PDE9A: variants seen among roughly 807,000 people sequenced by gnomAD.
PDE9A encodes the protein phosphodiesterase 9A, also known as high affinity cGMP-specific 3',5'-cyclic phosphodiesterase 9A.
PDE9A carries 60 observed loss-of-function variants against 87.4 expected under a neutral mutation model. The observed-to-expected ratio is 0.69, with a 90% CI of 0.56 to 0.85. The LOEUF (loss-of-function observed/expected upper bound fraction) is 0.85, where lower values mean the gene tolerates loss of function less well. Among genes scored for constraint, PDE9A ranks in the 40% least tolerant of loss-of-function variants. The probability of loss-of-function intolerance (pLI) is 0.00; values close to 1 mark genes in which losing one functional copy is unlikely to be tolerated. For missense variants in PDE9A, 665 were observed against 779.0 expected (o/e 0.85, Z 1.74); for synonymous variants, 272 against 279.4 (o/e 0.97, Z 0.27).
chr21:42,708,573 T>C (rs140013303), intron 4 of PDE9A, among the ~76,000 whole-genome samples: 8 of 152,298 alleles, frequency 5.3e-5, no homozygotes, highest in Admixed American at 5.2e-4. Context: ...GTTTTTGTTT[T>C]TGAGGAGTTT....
rs77777978 is a variant in PDE9A, at chr21:42,670,187, A to T, written c.70-16005A>T. Among the ~76,000 whole-genome samples, 672 of 146,020 alleles carry T rather than the reference A, an allele frequency of 4.6e-3. 9 individuals are homozygous for T. Among genetic ancestry groups the T allele is most frequent in the African/African-American group, 0.018 (651 of 37,072 alleles). On this transcript the variant is annotated intron_variant, in intron 1 of 19. Coordinates refer to ENST00000291539, the MANE Select transcript of PDE9A (RefSeq NM_002606.3). ...CACATTCACACGCACACATACACTT[A>T]CACACATTCACACACATACACTTAC...
chr21:42,732,039 G>A (rs2269153), intron 5 of PDE9A, 31 bp from the exon 6 acceptor site: 527,126 of 1,612,952 alleles, frequency 0.33, 88,955 homozygotes, highest in East Asian at 0.53. Context: ...TCTTGTCCGT[G>A]TTCCATCTGT....
chr21:42,730,721 T>G (rs1297684850), intron 4 of PDE9A, among the ~76,000 whole-genome samples: 1 of 152,254 alleles, frequency 6.6e-6, no homozygotes. Context: ...CAGATATATG[T>G]CTGATGATAC....
intron 13 of PDE9A, among the ~76,000 whole-genome samples, chr21:42,761,832 C>T (rs1470953049): frequency 1.3e-5 from 2 of 152,156 alleles, no homozygotes; most frequent in Non-Finnish European, 2.9e-5. Flanking sequence ...GGGCCTGTCC[C>T]AGGGAGCATG....
chr21:42,760,468 C>T lies in PDE9A; in HGVS notation c.1002+36C>T. The T allele has an allele frequency of 7.7e-7, 1 of 1,298,096 alleles. No homozygotes were observed. The highest frequency in any genetic ancestry group is 1.2e-5 in the South Asian group (1 of 84,180). The allele number at this position is 1,298,096 out of a possible 1,614,324, so 80.4% of individuals were successfully genotyped here. On this transcript the variant is annotated intron_variant, in intron 12 of 19. Coordinates refer to ENST00000291539, the MANE Select transcript of PDE9A (RefSeq NM_002606.3). The surrounding 1 kb of genome is among the most constrained non-coding windows in gnomAD (Gnocchi z 5.2). ...CCCGCTGCACACCCAGACCTCTACTCTCGGGGGTCAGACGGAGGCCCCCTT... is the reference window on the plus strand; with the variant it reads ...CCCGCTGCACACCCAGACCTCTACTTTCGGGGGTCAGACGGAGGCCCCCTT...
rs1439112382 is a variant in PDE9A at position 42,764,999 on chromosome 21, ATGGATGGATGGATGGATGG to A, written c.1243-381_1243-363del. ...GGTGGGTGGGTGGATGGATGGATGG[ATGGATGGATGGATGGATGG>A]ATGGGTGGATGGGTGGATGGACAAA... On this transcript the variant is annotated intron_variant, in intron 14 of 19. Coordinates refer to ENST00000291539, the MANE Select transcript of PDE9A (RefSeq NM_002606.3). 5.2e-5 allele frequency among the ~76,000 whole-genome samples: 7 copies of A among 134,840 alleles called. No individual in the cohort carries two copies. The South Asian group carries it at 8.2e-4, about 16-fold the overall frequency. 88.5% of individuals were successfully genotyped at this position (134,840 alleles called of 152,430 possible). A position where few individuals can be genotyped will look rare whatever the true frequency, so the allele number is the denominator to read the frequency against.
intron 8 of PDE9A, among the ~76,000 whole-genome samples, chr21:42,749,546 A>T (rs1602448032): frequency 6.6e-6 from 1 of 152,192 alleles, no homozygotes; most frequent in East Asian, 1.9e-4. Context: ...TTCCTCTGAA[A>T]CATGCCTGGC....
intron 1 of PDE9A, 53 bp downstream of exon 1, chr21:42,653,936 G>A: frequency 8.7e-7 from 1 of 1,144,136 alleles, no homozygotes; most frequent in Non-Finnish European, 1.3e-6. Flanking sequence ...GACAGCGCCG[G>A]GGCCGGGCGC....
At chr21:42,750,008 T>C (rs1240979778) in intron 8 of PDE9A, among the ~76,000 whole-genome samples, 3 of 152,094 alleles carry the variant, frequency 2.0e-5, no homozygotes, top group African/African-American at 7.2e-5. Context: ...TGTGGCAGCA[T>C]GCACCTGTAA....
At chr21:42,769,770 G>A (rs999357005) in intron 17 of PDE9A, among the ~76,000 whole-genome samples, 7 of 88,336 alleles carry the variant, frequency 7.9e-5, no homozygotes, top group African/African-American at 2.2e-4. Context: ...GCACATGCAC[G>A]CACACAGGTA....
intron 1 of PDE9A, among the ~76,000 whole-genome samples, chr21:42,684,510 G>A (rs527560808): frequency 1.2e-4 from 18 of 152,362 alleles, no homozygotes; most frequent in South Asian, 4.1e-4. Context: ...CCTGGCACCC[G>A]GCCAAGTGCA....
chr21:42,769,538 GCA>G (rs1435825360), intron 17 of PDE9A, among the ~76,000 whole-genome samples: 1 of 93,888 alleles, frequency 1.1e-5, no homozygotes, highest in Non-Finnish European at 2.0e-5. Flanking sequence ...GCACACACAG[GCA>G]CACAAATGCA....
rs2054369738 is a variant in PDE9A at position 42,751,129 on chromosome 21, T to A, written c.667T>A (p.Cys223Ser). 5.0e-6 allele frequency: 8 copies of A among 1,610,462 alleles called. No homozygotes were observed. Among genetic ancestry groups the A allele is most frequent in the Non-Finnish European group, 6.8e-6 (8 of 1,176,624 alleles). Reference protein sequence around the residue: ...AARSSRTNCPCKYSFLDNHKK... With the variant: ...AARSSRTNCPSKYSFLDNHKK... ...CCTTCTCTCTAGGACCAACTGCCCC[T>A]GTAAGTACAGTTTTTTGGATAACCA... Residue 223 changes from cysteine to serine, a missense_variant, in exon 9 of 20, where the codon TGT becomes AGT. Cys to Ser is a moderately radical substitution (Grantham distance 112). Coordinates refer to ENST00000291539, the MANE Select transcript of PDE9A (RefSeq NM_002606.3).
chr21:42,665,673 G>T (rs2057915675), intron 1 of PDE9A, among the ~76,000 whole-genome samples: 1 of 152,186 alleles, frequency 6.6e-6, no homozygotes, highest in South Asian at 2.1e-4. Context: ...TGTGTCGCGT[G>T]CAGGTGCCTC....
At chr21:42,768,953 C>A in intron 16 of PDE9A, 74 bp from the exon 17 acceptor site, 1 of 1,526,510 alleles carries the variant, frequency 6.6e-7, no homozygotes, top group South Asian at 1.3e-5. Flanking sequence ...CGCATCTTGT[C>A]TTTCTCTGAG....
At chr21:42,754,170 C>T (rs2147023889) in intron 10 of PDE9A, 106 bp downstream of exon 10, 3 of 605,456 alleles carry the variant, frequency 5.0e-6, no homozygotes, top group South Asian at 1.9e-5. Flanking sequence ...GCTTTTTCCT[C>T]TTCTTTTTAA....
rs535722096 is a variant in PDE9A, at chr21:42,761,021, C to T, written c.1085+114C>T. On this transcript the variant is annotated intron_variant, in intron 13 of 19. Coordinates refer to ENST00000291539, the MANE Select transcript of PDE9A (RefSeq NM_002606.3). ...CAGATGGAGCTGTCAACGACGGCCTCCCAGCCCCCAACTCTGCCTCCACTG... is the reference window on the plus strand; with the variant it reads ...CAGATGGAGCTGTCAACGACGGCCTTCCAGCCCCCAACTCTGCCTCCACTG... 4 of 728,230 alleles carry T rather than the reference C, an allele frequency of 5.5e-6. No individual in the cohort carries two copies. The East Asian group carries it at 1.0e-4, about 19-fold the overall frequency. 45.1% of individuals were successfully genotyped at this position (728,230 alleles called of 1,614,324 possible).
intron 14 of PDE9A, among the ~76,000 whole-genome samples, chr21:42,763,319 A>G (rs1182021177): frequency 6.6e-6 from 1 of 152,218 alleles, no homozygotes; most frequent in Non-Finnish European, 1.5e-5. Context: ...TAAGATTTCC[A>G]GATAAGATCA....
chr21:42,653,793 G>A lies in PDE9A; in HGVS notation c.-22G>A. 6.8e-7 allele frequency: 1 copy of A among 1,468,566 alleles called. No homozygotes were observed. Among genetic ancestry groups the A allele is most frequent in the Non-Finnish European group, 9.1e-7 (1 of 1,101,302 alleles). The allele number at this position is 1,468,566 out of a possible 1,614,324, so 91.0% of individuals were successfully genotyped here. A position where few individuals can be genotyped will look rare whatever the true frequency, so the allele number is the denominator to read the frequency against. The stretch of plus-strand genomic sequence containing the variant: ...GTCGGGAAAGTACAGTAAAAAGTCC[G>A]AGTGCAGCCGCCGGGCGCAGGATGG... On this transcript the variant is annotated 5_prime_UTR_variant, in exon 1 of 20. Coordinates refer to ENST00000291539, the MANE Select transcript of PDE9A (RefSeq NM_002606.3).
Sources: gnomAD v4.1 joint callset for allele counts (sites outside exome capture counted in the v4.1 genomes callset) on GRCh38, gnomAD v4.1.1 for gene constraint, Gnocchi (gnomAD v3.1) non-coding constraint, MANE v1.5 for transcripts, NCBI Gene and HGNC (gene_info 2026-07-23, HGNC 2026-07-21) for gene names.